PSME3IP1: variants seen among roughly 807,000 people sequenced by gnomAD.
PSME3IP1 encodes PSME3-interacting protein.
Under a neutral mutation model 34.1 loss-of-function variants are expected in PSME3IP1, and 13 were observed. That is an observed-to-expected ratio of 0.38 (90% CI 0.25 to 0.61). PSME3IP1 has a LOEUF of 0.61. Ranked by LOEUF, PSME3IP1 falls within the 20% of genes least tolerant of loss-of-function variation. The pLI, the probability that PSME3IP1 is intolerant of heterozygous loss-of-function variation, is 0.60. For synonymous variants in PSME3IP1, 93 were observed against 114.3 expected (o/e 0.81, Z 1.19); for missense variants, 237 against 301.4 (o/e 0.79, Z 1.58).
intron 1 of PSME3IP1, among the ~76,000 whole-genome samples, chr16:57,180,516 G>A (rs1160546884): frequency 2.0e-5 from 3 of 152,092 alleles, no homozygotes; most frequent in African/African-American, 7.2e-5. Context: ...CTTGAACCCA[G>A]GAGGCGAAGG....
At chr16:57,167,365 T>C in intron 4 of PSME3IP1, 139 bp from the exon 5 acceptor site, 1 of 962,662 alleles carries the variant, frequency 1.0e-6, no homozygotes, top group Non-Finnish European at 1.6e-6. Flanking sequence ...GCCAGTCAAA[T>C]CCAGCCAATT....
In PSME3IP1 at chr16:57,157,151, T is replaced by C. The variant is rs1320145223; in HGVS notation, c.548-2644A>G. ...AGGGAGACTCTGTCTCTACAAAAAATTTAAAAAATTAGCCGGGTGTGGTGG... is the reference window on the plus strand; with the variant it reads ...AGGGAGACTCTGTCTCTACAAAAAACTTAAAAAATTAGCCGGGTGTGGTGG... On this transcript the variant is annotated intron_variant, in intron 6 of 6. Coordinates refer to ENST00000309137, the MANE Select transcript of PSME3IP1 (RefSeq NM_024946.4). Among the ~76,000 whole-genome samples the C allele has an allele frequency of 2.0e-5, 3 of 151,752 alleles. No homozygotes were observed. The East Asian group carries it at 5.8e-4, about 29-fold the overall frequency.
chr16:57,179,586 G>A (rs2073509068), intron 1 of PSME3IP1, among the ~76,000 whole-genome samples: 1 of 152,170 alleles, frequency 6.6e-6, no homozygotes, highest in African/African-American at 2.4e-5. Context: ...CTAGTGCCAT[G>A]ACACAAAGTA....
chr16:57,171,342 G>C (rs755478193), intron 4 of PSME3IP1, among the ~76,000 whole-genome samples: 19 of 152,150 alleles, frequency 1.2e-4, no homozygotes, highest in Non-Finnish European at 2.4e-4. Flanking sequence ...AGGCGGGTTG[G>C]CCTAAATAAT....
In PSME3IP1 at chr16:57,153,458, A is replaced by T. The variant is rs2070155764; in HGVS notation, c.*832T>A. ...TTCCAGGAGCTGCCAGAAATAAGTCATCTCATTAACATACCTACCTGCAGT... is the reference window on the plus strand; with the variant it reads ...TTCCAGGAGCTGCCAGAAATAAGTCTTCTCATTAACATACCTACCTGCAGT... On this transcript the variant is annotated 3_prime_UTR_variant, in exon 7 of 7. Coordinates refer to ENST00000309137, the MANE Select transcript of PSME3IP1 (RefSeq NM_024946.4). The T allele has an allele frequency of 6.6e-6, 1 of 152,268 alleles. No homozygotes were observed. The highest frequency in any genetic ancestry group is 1.5e-5 in the Non-Finnish European group (1 of 68,056). The allele number at this position is 152,268 out of a possible 1,614,324, so 9.4% of individuals were successfully genotyped here. A position where few individuals can be genotyped will look rare whatever the true frequency, so the allele number is the denominator to read the frequency against.
Position 57,173,724 on chromosome 16 carries a change from A to G in PSME3IP1, c.127+4T>C, listed in dbSNP as rs1430860554. 2 of 1,613,578 alleles carry G rather than the reference A, an allele frequency of 1.2e-6. No individual in the cohort carries two copies. The highest frequency in any genetic ancestry group is 1.7e-6 in the Non-Finnish European group (2 of 1,179,984). ...AGACCATTATACTGACTGTCACAGT[A>G]TACCTTCTGGATCTTCAGGTTTTCG... On this transcript the variant is annotated splice_donor_region_variant and intron_variant, in intron 2 of 6. Coordinates refer to ENST00000309137, the MANE Select transcript of PSME3IP1 (RefSeq NM_024946.4).
At chr16:57,179,381 T>C (rs140164525) in intron 1 of PSME3IP1, among the ~76,000 whole-genome samples, 34 of 152,350 alleles carry the variant, frequency 2.2e-4, no homozygotes, top group Non-Finnish European at 3.8e-4. Flanking sequence ...AAAGTTCTTA[T>C]ATTTCAAGCC....
rs1346535674 is a variant in PSME3IP1, at chr16:57,153,251, G to C, written c.*1039C>G. On this transcript the variant is annotated 3_prime_UTR_variant, in exon 7 of 7. Coordinates refer to ENST00000309137, the MANE Select transcript of PSME3IP1 (RefSeq NM_024946.4). ...GTTTTTGGCTGCTCATGGCCTCAGA[G>C]TTGCTGTTTGGAAAGGAAAAAGAGC... 6.6e-6 allele frequency: 1 copy of C among 152,238 alleles called. No homozygotes were observed. The highest frequency in any genetic ancestry group is 1.5e-5 in the Non-Finnish European group (1 of 68,056). The allele number at this position is 152,238 out of a possible 1,614,324, so 9.4% of individuals were successfully genotyped here.
At chr16:57,158,170 C>T (rs1045598801) in intron 6 of PSME3IP1, among the ~76,000 whole-genome samples, 2 of 152,202 alleles carry the variant, frequency 1.3e-5, no homozygotes, top group Non-Finnish European at 2.9e-5. Context: ...ATGTGATGCT[C>T]TTTTAACATT....
At chr16:57,178,404 G>T in intron 1 of PSME3IP1, 2 of 293,122 alleles carry the variant, frequency 6.8e-6, no homozygotes, top group Non-Finnish European at 1.0e-5. Flanking sequence ...TATTCTTTGT[G>T]TTTTATCATC....
At chr16:57,162,840 T>C (rs1279641114) in intron 6 of PSME3IP1, among the ~76,000 whole-genome samples, 1 of 152,078 alleles carries the variant, frequency 6.6e-6, no homozygotes, top group Non-Finnish European at 1.5e-5. Flanking sequence ...TACAATTGCT[T>C]GCACATGCAT....
chr16:57,180,050 G>C (rs1184219926), intron 1 of PSME3IP1, among the ~76,000 whole-genome samples: 1 of 152,126 alleles, frequency 6.6e-6, no homozygotes, highest in Non-Finnish European at 1.5e-5. Context: ...CAGAGAGCCC[G>C]CTGTTAGTAT....
intron 6 of PSME3IP1, among the ~76,000 whole-genome samples, chr16:57,162,261 G>C (rs2071342781): frequency 6.6e-6 from 1 of 152,184 alleles, no homozygotes; most frequent in African/African-American, 2.4e-5. Flanking sequence ...ATAAGAACTT[G>C]TATTTGCTAG....
At position 57,185,840 on chromosome 16, in the gene PSME3IP1, G is replaced by A. The variant is rs1279847969; in HGVS notation, c.-35C>T. 11 of 985,070 alleles carry A rather than the reference G, an allele frequency of 1.1e-5. No individual in the cohort carries two copies. Among genetic ancestry groups the A allele is most frequent in the Middle Eastern group, 5.2e-4 (1 of 1,936 alleles). The allele number at this position is 985,070 out of a possible 1,614,324, so 61.0% of individuals were successfully genotyped here. A position where few individuals can be genotyped will look rare whatever the true frequency, so the allele number is the denominator to read the frequency against. ...ACTCACCTACCGGCGCGCGGGAGGC[G>A]AGACGACCTCACCTCGGCGGCGCCC... On this transcript the variant is annotated 5_prime_UTR_variant, in exon 1 of 7. Transcript: ENST00000309137.
In PSME3IP1 at chr16:57,154,432, C is replaced by T. The variant is rs1260464725; in HGVS notation, c.623G>A (p.Cys208Tyr). Residue 208 changes from cysteine to tyrosine, a missense_variant, in exon 7 of 7, where the codon TGT becomes TAT. Coordinates refer to ENST00000309137, the MANE Select transcript of PSME3IP1 (RefSeq NM_024946.4). This position sits in a 1 kb window ranked among gnomAD's most constrained non-coding sequence, Gnocchi z 4.0. ...ACCCAGGCCTGGGAGGATGCCGATACATACTGCAGCAGAGGGGCAGTGGAT... is the reference window on the plus strand; with the variant it reads ...ACCCAGGCCTGGGAGGATGCCGATATATACTGCAGCAGAGGGGCAGTGGAT... ...PSIHCPSAAV[C>Y]IGILPGLGAY... 6.2e-7 allele frequency: 1 copy of T among 1,614,074 alleles called. No homozygotes were observed. Among genetic ancestry groups the T allele is most frequent in the Admixed American group, 1.7e-5 (1 of 60,010 alleles).
intron 6 of PSME3IP1, among the ~76,000 whole-genome samples, chr16:57,159,497 G>A (rs1472240308): frequency 1.3e-5 from 2 of 152,210 alleles, no homozygotes; most frequent in African/African-American, 2.4e-5. Flanking sequence ...TCTGCTCAGT[G>A]CTTAAGTTCA....
Position 57,167,077 on chromosome 16 carries a change from G to A in PSME3IP1, c.482+16C>T, listed in dbSNP as rs1255183275. ...ACGGTCAGAGAGAAATCTGAGTTGT[G>A]TGAGTGCTGACTAACCTCTTATGCT... is the stretch of plus-strand genomic sequence containing the variant. On this transcript the variant is annotated intron_variant, in intron 5 of 6. Coordinates refer to ENST00000309137, the MANE Select transcript of PSME3IP1 (RefSeq NM_024946.4). The A allele has an allele frequency of 1.2e-6, 2 of 1,612,322 alleles. No individual in the cohort carries two copies. Among genetic ancestry groups the A allele is most frequent in the African/African-American group, 1.3e-5 (1 of 74,808 alleles).
chr16:57,185,691 G>A (rs769428815), intron 1 of PSME3IP1, 130 bp downstream of exon 1: 303 of 985,526 alleles, frequency 3.1e-4, no homozygotes, highest in Non-Finnish European at 3.6e-4. Flanking sequence ...CGGCTACTCC[G>A]GACAAGGAGC....
chr16:57,167,608 G>C (rs900277958), intron 4 of PSME3IP1, among the ~76,000 whole-genome samples: 1 of 152,196 alleles, frequency 6.6e-6, no homozygotes, highest in Non-Finnish European at 1.5e-5. Flanking sequence ...CCCTTCAAGG[G>C]TTAAATCAAA....
Sources: allele counts gnomAD v4.1 joint callset (sites outside exome capture counted in the v4.1 genomes callset), GRCh38; gene constraint gnomAD v4.1.1; non-coding constraint Gnocchi (gnomAD v3.1); transcripts MANE v1.5; gene names NCBI Gene and HGNC (gene_info 2026-07-23, HGNC 2026-07-21).